Variants in MYO3B observed in about 807,000 individuals in gnomAD.
MYO3B encodes myosin-IIIb.
In MYO3B, 156 loss-of-function variants were observed where a neutral mutation model predicts 174.6. That is an observed-to-expected ratio of 0.89 (90% CI 0.78 to 1.02). MYO3B has a LOEUF of 1.02. MYO3B is among the 50% of genes least tolerant of loss of function. The pLI is 0.00. For synonymous variants in MYO3B, 563 were observed against 569.1 expected, an observed-to-expected ratio of 0.99 and a Z score of 0.15; for missense variants, 1,632 against 1,639.4, an observed-to-expected ratio of 1.00 and a Z score of 0.08.
Position 170,400,202 on chromosome 2 carries a change from G to A in MYO3B, c.1806G>A (p.Val602=). 1 of 1,614,038 alleles carries A rather than the reference G, an allele frequency of 6.2e-7. No homozygotes were observed. The highest frequency in any genetic ancestry group is 1.3e-5 in the African/African-American group (1 of 75,010). ...IGFTDKEVHS[V]YRILAGILNI... ...GTCCTTTTCAGGAGGTGCACTCAGT[G>A]TACAGAATTTTGGCTGGGATTTTGA... Residue 602 remains valine (V), a synonymous_variant, in exon 17 of 35, where the codon GTG becomes GTA. Coordinates refer to ENST00000408978, the MANE Select transcript of MYO3B (RefSeq NM_138995.5).
intron 32 of MYO3B, among the ~76,000 whole-genome samples, chr2:170,639,010 G>A (rs76357695): frequency 0.11 from 17,194 of 152,202 alleles, 1,144 homozygotes; most frequent in East Asian, 0.24. Flanking sequence ...CAAAGAGTGA[G>A]GCAGAGCTGG....
rs370393187 is a variant in MYO3B at position 170,633,722 on chromosome 2, G to T, written c.3734-17906G>T. Among the ~76,000 whole-genome samples the T allele has an allele frequency of 5.6e-4, 86 of 152,350 alleles. No homozygotes were observed. The South Asian group carries it at 0.017, about 30-fold the overall frequency. ...GATTGTATATTTAGAAAACCCCATTGTCTCAGCCCAAAATCTCCTTAAGCT... is the reference window on the plus strand; with the variant it reads ...GATTGTATATTTAGAAAACCCCATTTTCTCAGCCCAAAATCTCCTTAAGCT... On this transcript the variant is annotated intron_variant, in intron 32 of 34. Transcript: ENST00000408978.
chr2:170,405,484 G>A (rs2094503794), intron 20 of MYO3B, 61 bp from the exon 21 acceptor site: 1 of 1,541,824 alleles, frequency 6.5e-7, no homozygotes, highest in South Asian at 1.1e-5. Flanking sequence ...TGAGGAACAA[G>A]TTTTTGTTTG....
At chr2:170,649,329 A>T (rs867786078) in intron 32 of MYO3B, among the ~76,000 whole-genome samples, 29 of 91,084 alleles carry the variant, frequency 3.2e-4, no homozygotes, top group African/African-American at 1.2e-3. Flanking sequence ...AAATAATATA[A>T]TATATATTAT....
At chr2:170,567,815 T>C (rs1692168745) in intron 32 of MYO3B, among the ~76,000 whole-genome samples, 1 of 152,234 alleles carries the variant, frequency 6.6e-6, no homozygotes, top group African/African-American at 2.4e-5. Flanking sequence ...TCTGAAAAGT[T>C]TGATGAAATT....
chr2:170,278,240 C>A (rs2093477832), intron 7 of MYO3B, among the ~76,000 whole-genome samples: 1 of 152,096 alleles, frequency 6.6e-6, no homozygotes, highest in Non-Finnish European at 1.5e-5. Flanking sequence ...GTAACCAGAG[C>A]AGGTCTCCCT....
intron 3 of MYO3B, among the ~76,000 whole-genome samples, chr2:170,204,237 A>G (rs752578778): frequency 6.6e-6 from 1 of 152,198 alleles, no homozygotes; most frequent in Non-Finnish European, 1.5e-5. Context: ...GTCCAACATG[A>G]TACTTCCTAA....
intron 32 of MYO3B, among the ~76,000 whole-genome samples, chr2:170,611,519 G>A (rs1248854777): frequency 6.6e-6 from 1 of 152,128 alleles, no homozygotes; most frequent in Non-Finnish European, 1.5e-5. Context: ...GGGGACAGTG[G>A]GGACAGTGGG....
intron 30 of MYO3B, among the ~76,000 whole-genome samples, chr2:170,527,469 G>A (rs941548663): frequency 1.3e-5 from 2 of 152,192 alleles, no homozygotes; most frequent in African/African-American, 4.8e-5. Context: ...TCGGACTTCT[G>A]ATAGCTCTTA....
intron 3 of MYO3B, among the ~76,000 whole-genome samples, chr2:170,205,734 A>G (rs956673995): frequency 3.3e-5 from 5 of 151,970 alleles, no homozygotes; most frequent in South Asian, 2.1e-4. Flanking sequence ...ATATCTTCCA[A>G]TGGATACTCC....
At chr2:170,236,287 G>A in intron 7 of MYO3B, 151 bp downstream of exon 7, 1 of 933,194 alleles carries the variant, frequency 1.1e-6, no homozygotes, top group Non-Finnish European at 1.6e-6. Context: ...GGGGGGCTGG[G>A]GGGGACAGAG....
At chr2:170,470,861 G>A (rs989327684) in intron 25 of MYO3B, among the ~76,000 whole-genome samples, 2 of 152,084 alleles carry the variant, frequency 1.3e-5, no homozygotes, top group Non-Finnish European at 2.9e-5. Context: ...TCTTGGTTAT[G>A]TGTATACCTT....
At chr2:170,629,946 C>T (rs151185126) in intron 32 of MYO3B, among the ~76,000 whole-genome samples, 91 of 152,038 alleles carry the variant, frequency 6.0e-4, no homozygotes, top group Non-Finnish European at 9.4e-4. Context: ...CATTCCAAGA[C>T]GGCCAAATAG....
chr2:170,574,856 A>T (rs1247201497), intron 32 of MYO3B, among the ~76,000 whole-genome samples: 2 of 152,322 alleles, frequency 1.3e-5, no homozygotes, highest in East Asian at 3.9e-4. Context: ...ATGCTCATAG[A>T]GGCAAATGAA....
chr2:170,342,408 G>A (rs2093982590), intron 8 of MYO3B: 1 of 152,266 alleles, frequency 6.6e-6, no homozygotes. Context: ...TGTGCCTGGA[G>A]GTGGTGGCTC....
intron 1 of MYO3B, among the ~76,000 whole-genome samples, chr2:170,192,598 G>A (rs908637244): frequency 1.3e-5 from 2 of 149,214 alleles, no homozygotes; most frequent in Non-Finnish European, 3.0e-5. Flanking sequence ...CTTTCCTTAT[G>A]CTTATTTTAT....
intron 5 of MYO3B, among the ~76,000 whole-genome samples, chr2:170,216,297 A>C (rs567059362): frequency 6.6e-6 from 1 of 152,288 alleles, no homozygotes; most frequent in South Asian, 2.1e-4. Context: ...GTGTGGTATA[A>C]AAGAATACCT....
intron 25 of MYO3B, among the ~76,000 whole-genome samples, chr2:170,466,953 T>C (rs571835479): frequency 3.4e-4 from 52 of 152,232 alleles, no homozygotes; most frequent in Non-Finnish European, 7.1e-4. Context: ...TACGTTTATA[T>C]GTTATAAATC....
chr2:170,290,867 G>A (rs1244482805), intron 7 of MYO3B, among the ~76,000 whole-genome samples: 80 of 132,494 alleles, frequency 6.0e-4, no homozygotes, highest in Non-Finnish European at 9.9e-5. Flanking sequence ...TTACCATGAG[G>A]CTTACAAAAA....
Sources: gnomAD v4.1 joint callset for allele counts (sites outside exome capture counted in the v4.1 genomes callset) on GRCh38, gnomAD v4.1.1 for gene constraint, MANE v1.5 for transcripts, NCBI Gene and HGNC (gene_info 2026-07-23, HGNC 2026-07-21) for gene names.